DDX54: variants seen among roughly 807,000 people sequenced by gnomAD.
The protein encoded by DDX54 is ATP-dependent RNA helicase DDX54.
A neutral mutation model predicts 105.5 loss-of-function variants in DDX54; 67 were observed. The ratio of observed to expected loss-of-function variants is 0.64; its 90% CI spans 0.52 to 0.78. The LOEUF (loss-of-function observed/expected upper bound fraction) is 0.78. DDX54 is among the 30% of genes least tolerant of loss of function. The probability of loss-of-function intolerance (pLI) is 0.00; values close to 1 mark genes in which losing one functional copy is unlikely to be tolerated. For synonymous variants in DDX54, 514 were observed against 509.9 expected (o/e 1.01, Z -0.11); for missense variants, 1,206 against 1,230.5 (o/e 0.98, Z 0.30).
intron 8 of DDX54, 31 bp downstream of exon 8, chr12:113,175,005 C>CA (rs1952385848): frequency 6.2e-7 from 1 of 1,612,568 alleles, no homozygotes; most frequent in South Asian, 1.1e-5. Flanking sequence ...GCCTGACCCC[C>CA]AGCCCCCATC....
chr12:113,179,345 A>G lies in DDX54; in HGVS notation c.376-14T>C. On this transcript the variant is annotated splice_polypyrimidine_tract_variant and intron_variant, in intron 3 of 19. Transcript: ENST00000306014. ...CACCGGGATGGTCTGGAGAGGCACA[A>G]GCAGGGAAGTCAAGGTCAGCTCCTC... The G allele has an allele frequency of 6.2e-7, 1 of 1,610,792 alleles. No individual in the cohort carries two copies. The highest frequency in any genetic ancestry group is 1.1e-5 in the South Asian group (1 of 91,008).
intron 7 of DDX54, 68 bp downstream of exon 7, chr12:113,176,772 G>A (rs1952408414): frequency 6.5e-7 from 1 of 1,545,666 alleles, no homozygotes; most frequent in Admixed American, 1.7e-5. Flanking sequence ...GCCTTCCTCT[G>A]GTTGACCTCT....
chr12:113,176,711 ATC>A, intron 7 of DDX54, 127 bp downstream of exon 7: 1 of 945,612 alleles, frequency 1.1e-6, no homozygotes, highest in Non-Finnish European at 1.6e-6. Flanking sequence ...TGCAGCCCAC[ATC>A]TGGGAAGACA....
In DDX54 at chr12:113,158,967, G is replaced by A. The variant is rs776702666; in HGVS notation, c.2556C>T (p.Ala852=). The change falls in exon 20 of 20, where the codon GCC becomes GCT. Residue 852 remains alanine (A), a synonymous_variant. Transcript: ENST00000306014. This position sits in a 1 kb window ranked among gnomAD's most constrained non-coding sequence, Gnocchi z 4.9. ...LQRGGLKQLS[A]RNRRRVQELQ... is the part of the protein sequence containing the mutation. ...GCTCCTGGACGCGGCGGCGGTTGCG[G>A]GCAGAGAGCTGCTTGAGGCCACCAC... 20 of 1,611,260 alleles carry A rather than the reference G, an allele frequency of 1.2e-5. No homozygotes were observed. In the Admixed American group the frequency reaches 3.2e-4, roughly 26 times the overall value.
At chr12:113,177,611 T>C (rs1952419202) in intron 5 of DDX54, among the ~76,000 whole-genome samples, 2 of 152,098 alleles carry the variant, frequency 1.3e-5, no homozygotes, top group African/African-American at 4.8e-5. Context: ...AAAGAATAAA[T>C]GACAATGGAG....
At chr12:113,170,057 G>C (rs1021015275) in intron 11 of DDX54, among the ~76,000 whole-genome samples, 153 bp from the exon 12 acceptor site, 1 of 152,180 alleles carries the variant, frequency 6.6e-6, no homozygotes, top group Non-Finnish European at 1.5e-5. Flanking sequence ...GTTTAATCCC[G>C]GTCCCTAGGT....
At chr12:113,180,065 G>A in intron 2 of DDX54, 60 bp from the exon 3 acceptor site, 1 of 1,504,400 alleles carries the variant, frequency 6.6e-7, no homozygotes, top group Non-Finnish European at 9.3e-7. Flanking sequence ...CAACCCCAGA[G>A]AACTTTACAG....
intron 14 of DDX54, among the ~76,000 whole-genome samples, chr12:113,164,901 C>T (rs1442393253): frequency 6.6e-6 from 1 of 151,952 alleles, no homozygotes; most frequent in African/African-American, 2.4e-5. Flanking sequence ...GTGGCATGCA[C>T]CTGTAGTCCC....
At chr12:113,165,079 A>T (rs1457784845) in intron 14 of DDX54, among the ~76,000 whole-genome samples, 1 of 152,210 alleles carries the variant, frequency 6.6e-6, no homozygotes, top group Non-Finnish European at 1.5e-5. Context: ...CCATGGTCAC[A>T]TGCTAGGAAA....
chr12:113,166,410 A>T lies in DDX54; in HGVS notation c.1415-378T>A, dbSNP rs1952276875. On this transcript the variant is annotated intron_variant, in intron 12 of 19. Coordinates refer to ENST00000306014, the MANE Select transcript of DDX54 (RefSeq NM_024072.4). ...GTACTATCCGGCTCTAAAAAAAAAAAACTTTGTTGGCCGGGTGCGGTGGCT... is the reference window on the plus strand; with the variant it reads ...GTACTATCCGGCTCTAAAAAAAAAATACTTTGTTGGCCGGGTGCGGTGGCT... Among the ~76,000 whole-genome samples, 4 of 152,230 alleles carry T rather than the reference A, an allele frequency of 2.6e-5. 1 individual carries two copies. In the South Asian group the frequency reaches 8.3e-4, roughly 32 times the overall value.
At chr12:113,173,028 G>A (rs144921788) in intron 10 of DDX54, among the ~76,000 whole-genome samples, 4 of 152,274 alleles carry the variant, frequency 2.6e-5, no homozygotes, top group East Asian at 3.9e-4. Flanking sequence ...ACTCATGAGA[G>A]TGCTAGCTGT....
intron 14 of DDX54, 88 bp from the exon 15 acceptor site, chr12:113,164,373 T>C: frequency 6.9e-7 from 1 of 1,440,588 alleles, no homozygotes; most frequent in Non-Finnish European, 9.2e-7. Context: ...ATGGGCGTTC[T>C]TCCCCAAGTC....
intron 12 of DDX54, among the ~76,000 whole-genome samples, chr12:113,168,815 A>T (rs1200420024): frequency 5.3e-5 from 8 of 152,220 alleles, no homozygotes; most frequent in Non-Finnish European, 1.2e-4. Context: ...CTGCAGTCCC[A>T]GCTACTCGGG....
chr12:113,180,416 A>G lies in DDX54; in HGVS notation c.305-411T>C, dbSNP rs1036490229. On this transcript the variant is annotated intron_variant, in intron 2 of 19. Transcript: ENST00000306014. ...TCTTGTCCCTCTTGGTGGTGAGGGC[A>G]TGGATGGGAGCTCACTTTGTTGCCC... Among the ~76,000 whole-genome samples, 9 of 152,254 alleles carry G rather than the reference A, an allele frequency of 5.9e-5. No individual in the cohort carries two copies. In the South Asian group the frequency reaches 1.5e-3, roughly 25 times the overall value.
At position 113,177,071 on chromosome 12, in the gene DDX54, G is replaced by C. The variant is rs778893959; in HGVS notation, c.637C>G (p.Leu213Val). The C allele has an allele frequency of 6.2e-7, 1 of 1,614,084 alleles. No homozygotes were observed. The highest frequency in any genetic ancestry group is 1.3e-5 in the African/African-American group (1 of 75,046). Residue 213 changes from leucine (L) to valine (V), a missense_variant, in exon 6 of 20, where the codon CTG (leucine) becomes GTG (valine). Coordinates refer to ENST00000306014, the MANE Select transcript of DDX54 (RefSeq NM_024072.4). ...ACTCACATGTCGGGATTTTCGTGCA[G>C]GGCTGCAAACTGGTCTTCCATCCTA... is the stretch of plus-strand genomic sequence containing the variant. ...GDRMEDQFAA[L>V]HENPDIIIAT...
At chr12:113,166,074 G>A in intron 12 of DDX54, 42 bp from the exon 13 acceptor site, 1 of 1,530,100 alleles carries the variant, frequency 6.5e-7, no homozygotes, top group Non-Finnish European at 8.7e-7. Flanking sequence ...TTTCAGCCTG[G>A]CCCGCCTGTC....
Position 113,166,044 on chromosome 12 carries a change from A to G in DDX54, c.1415-12T>C. The G allele has an allele frequency of 6.3e-7, 1 of 1,597,396 alleles. No individual in the cohort carries two copies. Among genetic ancestry groups the G allele is most frequent in the South Asian group, 1.1e-5 (1 of 90,514 alleles). Reference sequence around the variant, plus strand: ...CACACCGGCCACACCTGCACCCCACACAGCACCTTGTCAGAGGTCTTTCAG... The same window carrying G: ...CACACCGGCCACACCTGCACCCCACGCAGCACCTTGTCAGAGGTCTTTCAG... On this transcript the variant is annotated splice_polypyrimidine_tract_variant and intron_variant, in intron 12 of 19. Coordinates refer to ENST00000306014, the MANE Select transcript of DDX54 (RefSeq NM_024072.4).
At position 113,164,135 on chromosome 12, in the gene DDX54, T is replaced by C. The variant is rs1194895564; in HGVS notation, c.1870A>G (p.Ser624Gly). The change falls in exon 15 of 20, where the codon AGC becomes GGC. Residue 624 changes from serine to glycine, a missense_variant. This residue lies in a region of DDX54 where 961 missense variants were observed against 1,019.1 expected (regional missense o/e 0.94). Coordinates refer to ENST00000306014, the MANE Select transcript of DDX54 (RefSeq NM_024072.4). ...TGCTTCTCCTGCAGTGCTGGGCGGC[T>C]CGGGGCTGGGCCCACTGGGCCCTCC... ...QQEGPVGPAP[S>G]RPALQEKQPE... The C allele has an allele frequency of 6.4e-7, 1 of 1,552,918 alleles. No homozygotes were observed. The highest frequency in any genetic ancestry group is 8.7e-7 in the Non-Finnish European group (1 of 1,148,640).
chr12:113,181,478 ATTT>A (rs200981259), intron 1 of DDX54, among the ~76,000 whole-genome samples: 1 of 141,968 alleles, frequency 7.0e-6, no homozygotes. Flanking sequence ...TTTTGTATTT[ATTT>A]TTTTTTTTTT....
Sources: gnomAD v4.1 joint callset for allele counts (sites outside exome capture counted in the v4.1 genomes callset) on GRCh38, gnomAD v4.1.1 for gene constraint, gnomAD v4.1.1 regional missense constraint, Gnocchi (gnomAD v3.1) non-coding constraint, MANE v1.5 for transcripts, NCBI Gene and HGNC (gene_info 2026-07-23, HGNC 2026-07-21) for gene names.